The following PPP1R12B variants were observed in gnomAD, a reference collection of about 807,000 sequenced individuals.
The protein encoded by PPP1R12B is myosin phosphatase target subunit 2.
PPP1R12B carries 76 observed loss-of-function variants against 126.1 expected under a neutral mutation model. The ratio of observed to expected loss-of-function variants is 0.60; its 90% CI spans 0.50 to 0.73. The LOEUF is 0.73. Among genes scored for constraint, PPP1R12B ranks in the 30% least tolerant of loss-of-function variants. The pLI is 0.00. For missense variants in PPP1R12B, 1,052 were observed against 1,205.1 expected, an observed-to-expected ratio of 0.87 and a Z score of 1.88; for synonymous variants, 356 against 434.7, an observed-to-expected ratio of 0.82 and a Z score of 2.25.
intron 13 of PPP1R12B, among the ~76,000 whole-genome samples, chr1:202,466,405 T>C (rs997719149): frequency 6.6e-6 from 1 of 152,162 alleles, no homozygotes; most frequent in Non-Finnish European, 1.5e-5. Context: ...TATTATTCTT[T>C]CCTGGCTCAC....
chr1:202,511,638 C>T (rs1162519583), intron 18 of PPP1R12B, among the ~76,000 whole-genome samples: 7 of 152,036 alleles, frequency 4.6e-5, no homozygotes, highest in Non-Finnish European at 7.4e-5. Context: ...TGAGAACATA[C>T]GATATTTGGT....
intron 15 of PPP1R12B, among the ~76,000 whole-genome samples, chr1:202,494,303 G>A (rs1679251980): frequency 6.6e-6 from 1 of 152,112 alleles, no homozygotes; most frequent in African/African-American, 2.4e-5. Context: ...CTCTGAAGAA[G>A]GTGTTATCTC....
At chr1:202,466,859 G>T (rs1349456138) in intron 13 of PPP1R12B, among the ~76,000 whole-genome samples, 1 of 151,836 alleles carries the variant, frequency 6.6e-6, no homozygotes, top group Non-Finnish European at 1.5e-5. Flanking sequence ...GAAAGTCTTT[G>T]TTCTCACTTT....
intron 13 of PPP1R12B, among the ~76,000 whole-genome samples, chr1:202,471,684 C>G (rs1675921669): frequency 7.0e-6 from 1 of 143,220 alleles, no homozygotes; most frequent in Admixed American, 7.2e-5. Flanking sequence ...ACAACATTTT[C>G]TCTTATGTTT....
intron 18 of PPP1R12B, among the ~76,000 whole-genome samples, chr1:202,549,820 C>T (rs980044836): frequency 1.3e-5 from 2 of 152,036 alleles, no homozygotes; most frequent in Non-Finnish European, 2.9e-5. Context: ...CTGTAATTGT[C>T]GATTTTATTC....
At chr1:202,412,104 G>A (rs1667472954) in intron 1 of PPP1R12B, among the ~76,000 whole-genome samples, 1 of 152,186 alleles carries the variant, frequency 6.6e-6, no homozygotes, top group Non-Finnish European at 1.5e-5. Context: ...GATTAGGCTA[G>A]TTTTGTTGTT....
At chr1:202,542,122 A>G (rs560844989) in intron 18 of PPP1R12B, among the ~76,000 whole-genome samples, 11 of 152,346 alleles carry the variant, frequency 7.2e-5, no homozygotes, top group Admixed American at 1.3e-4. Flanking sequence ...GGCTGCTGAC[A>G]CTAAGGACTG....
At position 202,495,438 on chromosome 1, in the gene PPP1R12B, A is replaced by G; in HGVS notation, c.2291A>G (p.Glu764Gly). ...RFSVPDSESS[E>G]TTTNTTTAKE... ...TCAGTCCCTGATTCTGAGAGTTCAG[A>G]GACTACCACAAACACTACAACTGCA... The change falls in exon 16 of 24, where the codon GAG (glutamate) becomes GGG (glycine). Residue 764 changes from glutamate to glycine, a missense_variant. Glu to Gly is a moderately conservative substitution (Grantham distance 98, BLOSUM62 -2). Transcript: ENST00000608999. The G allele has an allele frequency of 1.9e-6, 3 of 1,609,900 alleles. No individual in the cohort carries two copies. The Middle Eastern group carries it at 5.0e-4, about 267-fold the overall frequency.
intron 1 of PPP1R12B, among the ~76,000 whole-genome samples, chr1:202,358,898 A>G (rs1657626452): frequency 6.6e-6 from 1 of 152,204 alleles, no homozygotes; most frequent in Admixed American, 6.5e-5. Flanking sequence ...TTATGGTGCC[A>G]TGCTCTAAAT....
intron 13 of PPP1R12B, among the ~76,000 whole-genome samples, chr1:202,479,911 G>A (rs1677140698): frequency 6.6e-6 from 1 of 152,112 alleles, no homozygotes; most frequent in African/African-American, 2.4e-5. Context: ...TAGCCTAACT[G>A]CCAGGGGGAA....
intron 13 of PPP1R12B, among the ~76,000 whole-genome samples, chr1:202,479,781 T>A: frequency 6.6e-6 from 1 of 152,190 alleles, no homozygotes. Flanking sequence ...ATGCAGATTA[T>A]CAAACCCCTA....
chr1:202,569,491 C>T (rs1162771306), intron 23 of PPP1R12B, among the ~76,000 whole-genome samples: 1 of 152,092 alleles, frequency 6.6e-6, no homozygotes, highest in Non-Finnish European at 1.5e-5. Context: ...TAAGGCTTTT[C>T]AAGCAGTATC....
At chr1:202,519,905 T>C (rs1270825622) in intron 18 of PPP1R12B, among the ~76,000 whole-genome samples, 1 of 152,240 alleles carries the variant, frequency 6.6e-6, no homozygotes, top group Non-Finnish European at 1.5e-5. Flanking sequence ...TGGTCTGGGT[T>C]GGTTTGCTTT....
intron 1 of PPP1R12B, among the ~76,000 whole-genome samples, chr1:202,405,339 T>C (rs143730808): frequency 1.9e-3 from 288 of 152,320 alleles, no homozygotes; most frequent in South Asian, 5.4e-3. Context: ...TTATCTCTTA[T>C]GAATGAAACC....
intron 1 of PPP1R12B, among the ~76,000 whole-genome samples, chr1:202,401,340 C>T (rs1177463583): frequency 6.7e-6 from 1 of 149,876 alleles, no homozygotes; most frequent in Non-Finnish European, 1.5e-5. Flanking sequence ...CAGTTGTCCA[C>T]CACCATGGCT....
intron 12 of PPP1R12B, among the ~76,000 whole-genome samples, chr1:202,444,828 C>A (rs529427728): frequency 6.6e-6 from 1 of 152,322 alleles, no homozygotes; most frequent in African/African-American, 2.4e-5. Flanking sequence ...AAAAGACCAT[C>A]CTTCAAAGAG....
chr1:202,530,362 C>T (rs1035722491), intron 18 of PPP1R12B, among the ~76,000 whole-genome samples: 17 of 152,104 alleles, frequency 1.1e-4, no homozygotes, highest in African/African-American at 4.1e-4. Context: ...CCCCTTATAC[C>T]TTTACTGATG....
chr1:202,504,307 C>A (rs1172410588), intron 18 of PPP1R12B, among the ~76,000 whole-genome samples: 1 of 152,016 alleles, frequency 6.6e-6, no homozygotes, highest in Non-Finnish European at 1.5e-5. Context: ...GCATGAGAAT[C>A]GCTTGAACCC....
At chr1:202,533,582 G>C (rs895187493) in intron 18 of PPP1R12B, among the ~76,000 whole-genome samples, 1 of 152,148 alleles carries the variant, frequency 6.6e-6, no homozygotes, top group Non-Finnish European at 1.5e-5. Context: ...GCCTCCCAAA[G>C]TGCTGAGATT....
Sources: allele counts gnomAD v4.1 joint callset (sites outside exome capture counted in the v4.1 genomes callset), GRCh38; gene constraint gnomAD v4.1.1; transcripts MANE v1.5; gene names NCBI Gene and HGNC (gene_info 2026-07-23, HGNC 2026-07-21).